PBRM1: variants seen among roughly 807,000 people sequenced by gnomAD.
The protein encoded by PBRM1 is protein polybromo-1.
Under a neutral mutation model 194.5 loss-of-function variants are expected in PBRM1, and 27 were observed. The observed-to-expected ratio is 0.14, with a 90% CI of 0.10 to 0.19. The LOEUF (loss-of-function observed/expected upper bound fraction) is 0.19. Among genes scored for constraint, PBRM1 ranks in the 10% least tolerant of loss-of-function variants. PBRM1 has a pLI of 1.00. For synonymous variants in PBRM1, 655 were observed against 693.2 expected (o/e 0.94, Z 0.87); for missense variants, 1,466 against 2,077.2 (o/e 0.71, Z 5.72).
At chr3:52,630,793 C>T (rs2095594544) in intron 11 of PBRM1, among the ~76,000 whole-genome samples, 1 of 152,198 alleles carries the variant, frequency 6.6e-6, no homozygotes. Flanking sequence ...ATATTACTGA[C>T]TTAAAGCAAA....
intron 7 of PBRM1, among the ~76,000 whole-genome samples, chr3:52,646,702 C>T (rs2096301323): frequency 6.6e-6 from 1 of 152,082 alleles, no homozygotes; most frequent in South Asian, 2.1e-4. Context: ...TATCTCATAT[C>T]AAAGAATGAA....
At chr3:52,587,547 A>C in intron 18 of PBRM1, 37 bp from the exon 21 acceptor site, 1 of 1,383,774 alleles carries the variant, frequency 7.2e-7, no homozygotes, top group Non-Finnish European at 1.0e-6. Context: ...GAAGAGAAAG[A>C]GAATCATTGT....
At chr3:52,592,708 T>C (rs543163906) in intron 17 of PBRM1, among the ~76,000 whole-genome samples, 1 of 152,342 alleles carries the variant, frequency 6.6e-6, no homozygotes, top group South Asian at 2.1e-4. Context: ...CCTCAGTTAT[T>C]TGGAACAGTT....
intron 27 of PBRM1, chr3:52,551,844 C>G (rs2081057887): frequency 6.6e-6 from 1 of 152,194 alleles, no homozygotes; most frequent in South Asian, 2.1e-4. Context: ...GCTCCTCATT[C>G]TAAAGTTCAG....
At chr3:52,592,956 T>C (rs967070871) in intron 17 of PBRM1, among the ~76,000 whole-genome samples, 5 of 152,252 alleles carry the variant, frequency 3.3e-5, no homozygotes, top group East Asian at 3.8e-4. Context: ...GAGGTGTTCA[T>C]AGTAGTATCT....
At chr3:52,641,923 G>A in intron 10 of PBRM1, 31 bp downstream of exon 11, 2 of 1,237,738 alleles carry the variant, frequency 1.6e-6, no homozygotes, top group Admixed American at 1.7e-5. Context: ...CCACTAAGAA[G>A]GCATTTCGCT....
chr3:52,589,086 C>A, exon 18 of PBRM1: 1 of 1,613,514 alleles, frequency 6.2e-7, no homozygotes, highest in Non-Finnish European at 8.5e-7. Flanking sequence ...AATCCTCCCA[C>A]AGTCTTTCAA....
chr3:52,613,360 G>GTAA (rs77311683), intron 15 of PBRM1, among the ~76,000 whole-genome samples: 19,689 of 150,540 alleles, frequency 0.13, 1,729 homozygotes, highest in Middle Eastern at 0.25. Flanking sequence ...TTGGAGGCAG[G>GTAA]GTCTAGCTCT....
chr3:52,629,978 G>A (rs2095565070), intron 11 of PBRM1, among the ~76,000 whole-genome samples: 1 of 152,122 alleles, frequency 6.6e-6, no homozygotes, highest in South Asian at 2.1e-4. Context: ...GAACATCTCT[G>A]TGACAAAGCA....
upstream of PBRM1, among the ~76,000 whole-genome samples, chr3:52,683,855 A>G (rs141947530): frequency 7.3e-4 from 111 of 152,062 alleles, 2 homozygotes; most frequent in East Asian, 0.021. Flanking sequence ...GACCTTCAAA[A>G]AAAAAAGTTT....
chr3:52,584,518 C>T (rs1417036568), intron 20 of PBRM1, among the ~76,000 whole-genome samples: 1 of 121,488 alleles, frequency 8.2e-6, no homozygotes, highest in South Asian at 2.6e-4. Flanking sequence ...TGCAGTGGTG[C>T]AATCACAATT....
chr3:52,620,114 G>A (rs1158714275), intron 13 of PBRM1, among the ~76,000 whole-genome samples: 1 of 152,170 alleles, frequency 6.6e-6, no homozygotes, highest in African/African-American at 2.4e-5. Context: ...TGATGTGACA[G>A]GAAGAGTTCT....
At chr3:52,638,512 C>T (rs1011623272) in intron 10 of PBRM1, among the ~76,000 whole-genome samples, 7 of 152,000 alleles carry the variant, frequency 4.6e-5, no homozygotes, top group Non-Finnish European at 8.8e-5. Flanking sequence ...GCGTGCACCA[C>T]CATGCCTGGC....
At chr3:52,550,448 T>C (rs1362157547) in exon 29 of PBRM1, 3 of 1,497,138 alleles carry the variant, frequency 2.0e-6, no homozygotes, top group African/African-American at 2.8e-5. Context: ...CACTTGCTAA[T>C]GCTGTTGGAC....
At chr3:52,572,354 T>A (rs968797180) in intron 22 of PBRM1, among the ~76,000 whole-genome samples, 25 of 152,014 alleles carry the variant, frequency 1.6e-4, no homozygotes, top group African/African-American at 6.0e-4. Flanking sequence ...CTGCCACATG[T>A]GGCCATCTGA....
intron 17 of PBRM1, among the ~76,000 whole-genome samples, chr3:52,592,165 G>A (rs1374850150): frequency 7.4e-6 from 1 of 135,138 alleles, no homozygotes; most frequent in Non-Finnish European, 1.5e-5. Context: ...ATGGATTCTC[G>A]CTCTGTCGCC....
At chr3:52,615,538 AAGAC>A in intron 14 of PBRM1, 82 bp from the exon 17 acceptor site, 1 of 864,578 alleles carries the variant, frequency 1.2e-6, no homozygotes, top group Non-Finnish European at 1.9e-6. Context: ...AAGTTTTAAA[AAGAC>A]AGTTTATGAT....
chr3:52,665,321 A>G (rs2096810297), intron 3 of PBRM1, among the ~76,000 whole-genome samples: 1 of 139,388 alleles, frequency 7.2e-6, no homozygotes, highest in Non-Finnish European at 1.6e-5. Flanking sequence ...TGCTCAGCCA[A>G]TTAAAACAAT....
At chr3:52,551,745 G>A (rs1403891297) in intron 27 of PBRM1, 6 of 152,204 alleles carry the variant, frequency 3.9e-5, no homozygotes, top group South Asian at 2.1e-4. Context: ...AATCCTGCTG[G>A]CTGTGTAGAA....
Sources: gnomAD v4.1 joint callset for allele counts (sites outside exome capture counted in the v4.1 genomes callset) on GRCh38, gnomAD v4.1.1 for gene constraint, MANE v1.5 for transcripts, NCBI Gene and HGNC (gene_info 2026-07-23, HGNC 2026-07-21) for gene names.